The following PAX6 variants were observed in gnomAD, a reference collection of about 807,000 sequenced individuals.
The protein encoded by PAX6 is paired box protein Pax-6.
Under a neutral mutation model 60.7 loss-of-function variants are expected in PAX6, and 7 were observed. That is an observed-to-expected ratio of 0.12 (90% CI 0.07 to 0.22). PAX6 has a LOEUF of 0.22. Ranked by LOEUF, PAX6 falls within the 10% of genes least tolerant of loss-of-function variation. The probability of loss-of-function intolerance (pLI) is 1.00; values close to 1 mark genes in which losing one functional copy is unlikely to be tolerated. For synonymous variants in PAX6, 208 were observed against 201.2 expected (o/e 1.03, Z -0.29); for missense variants, 355 against 555.2 (o/e 0.64, Z 3.62).
At chr11:31,810,687 G>A (rs887083931) in intron 2 of PAX6, 141 bp downstream of exon 2, 2 of 397,248 alleles carry the variant, frequency 5.0e-6, no homozygotes, top group Non-Finnish European at 8.9e-6. Context: ...GCTCCTGCGT[G>A]GAAACTTCTC....
intron 2 of PAX6, chr11:31,807,636 C>T (rs1360041864): frequency 1.3e-5 from 2 of 152,206 alleles, no homozygotes; most frequent in Admixed American, 6.5e-5. Flanking sequence ...GTCTACCTCG[C>T]CTCACTGCTT....
intron 1 of PAX6, chr11:31,816,716 G>C: frequency 2.9e-6 from 2 of 692,194 alleles, no homozygotes; most frequent in African/African-American, 1.8e-5. Context: ...CCACCGCTCG[G>C]AGTCGGGCGG....
At chr11:31,800,398 C>T in intron 8 of PAX6, 1 of 536,852 alleles carries the variant, frequency 1.9e-6, no homozygotes, top group Middle Eastern at 2.8e-4. Context: ...GAATAGTGCA[C>T]CACGCAGCTC....
Position 31,794,724 on chromosome 11 carries a change from A to G in PAX6, c.630T>C (p.Asp210=), listed in dbSNP as rs3026383. The change falls in exon 9 of 14, where the codon GAT becomes GAC. Residue 210 remains aspartate, a synonymous_variant. Transcript: ENST00000640368. The part of the protein sequence containing the change: ...NTNSISSNGE[D]SDEAQMRLQL... ...GAAGTCGCATTTGAGCCTCATCTGAATCTTCTCCGTTGGAACTGATGGAGT... is the reference window on the plus strand; with the variant it reads ...GAAGTCGCATTTGAGCCTCATCTGAGTCTTCTCCGTTGGAACTGATGGAGT... 1 of 1,614,000 alleles carries G rather than the reference A, an allele frequency of 6.2e-7. No individual in the cohort carries two copies. Among genetic ancestry groups the G allele is most frequent in the Non-Finnish European group, 8.5e-7 (1 of 1,180,004 alleles).
chr11:31,801,198 T>C, intron 7 of PAX6: 1 of 1,221,990 alleles, frequency 8.2e-7, no homozygotes, highest in Non-Finnish European at 1.1e-6. Context: ...ATTATATTGT[T>C]TAATATTAGG....
At position 31,793,175 on chromosome 11, in the gene PAX6, T is replaced by C. The variant is rs1592404148; in HGVS notation, c.1074+263A>G. 27 of 637,288 alleles carry C rather than the reference T, an allele frequency of 4.2e-5. 1 individual carries two copies. The East Asian group carries it at 7.1e-4, about 17-fold the overall frequency. The allele number at this position is 637,288 out of a possible 1,614,324, so 39.5% of individuals were successfully genotyped here. ...CATGCCCCACCACCACCCAACATTA[T>C]CAAGGTAACAGTATAATAAAAGGCA... On this transcript the variant is annotated intron_variant, in intron 12 of 13. Coordinates refer to ENST00000640368, the MANE Select transcript of PAX6 (RefSeq NM_001368894.2).
At chr11:31,801,982 A>G in intron 5 of PAX6, 70 bp from the exon 6 acceptor site, 1 of 1,249,638 alleles carries the variant, frequency 8.0e-7, no homozygotes, top group Non-Finnish European at 1.2e-6. Context: ...TTAAAATTAC[A>G]TTTGTAGCCC....
At position 31,806,527 on chromosome 11, in the gene PAX6, C is replaced by A. The variant is rs539933991; in HGVS notation, c.-51-65G>T. On this transcript the variant is annotated intron_variant, in intron 3 of 13. Transcript: ENST00000640368. ...CATCAGGTAGGCCTGAACTCCCAAC[C>A]GAGGTGGACCTGGGGCTAGGACAGG... is the stretch of plus-strand genomic sequence containing the variant. The A allele has an allele frequency of 5.1e-5, 64 of 1,243,406 alleles. No homozygotes were observed. The South Asian group carries it at 7.6e-4, about 15-fold the overall frequency. The allele number at this position is 1,243,406 out of a possible 1,614,324, so 77.0% of individuals were successfully genotyped here. A position where few individuals can be genotyped will look rare whatever the true frequency, so the allele number is the denominator to read the frequency against.
In PAX6 at chr11:31,800,875, T is replaced by G. The variant is rs1410222146; in HGVS notation, c.400-19A>C. 1 of 1,612,908 alleles carries G rather than the reference T, an allele frequency of 6.2e-7. No homozygotes were observed. The highest frequency in any genetic ancestry group is 1.7e-5 in the Admixed American group (1 of 60,018). On this transcript the variant is annotated intron_variant, in intron 7 of 13. Transcript: ENST00000640368. Reference sequence around the variant, plus strand: ...ATGACACCTGCAAATCAAACCAAAATCAAACCAAATGGTAGTGTCTCCTGA... The same window carrying G: ...ATGACACCTGCAAATCAAACCAAAAGCAAACCAAATGGTAGTGTCTCCTGA...
intron 1 of PAX6, chr11:31,816,399 C>T (rs1957376894): frequency 1.6e-6 from 1 of 615,378 alleles, no homozygotes; most frequent in Non-Finnish European, 2.9e-6. Context: ...AGGTCCTCGG[C>T]TCGCCCTGGG....
intron 4 of PAX6, 30 bp downstream of exon 4, chr11:31,806,372 C>G (rs748987208): frequency 2.5e-6 from 4 of 1,603,290 alleles, no homozygotes; most frequent in Admixed American, 1.7e-5. Flanking sequence ...ACCCCGAGCC[C>G]GAAGTCCCAG....
chr11:31,809,154 G>A (rs1369186794), intron 2 of PAX6, among the ~76,000 whole-genome samples: 1 of 152,190 alleles, frequency 6.6e-6, no homozygotes, highest in Non-Finnish European at 1.5e-5. Flanking sequence ...AGCCAAAAGA[G>A]TAATTAGCAA....
At chr11:31,801,242 T>C in intron 7 of PAX6, 1 of 1,368,012 alleles carries the variant, frequency 7.3e-7, no homozygotes, top group South Asian at 1.5e-5. Context: ...GAAGGAAAGT[T>C]CTGGCAGGTG....
At chr11:31,795,151 T>C (rs998151876) in intron 8 of PAX6, among the ~76,000 whole-genome samples, 1 of 152,188 alleles carries the variant, frequency 6.6e-6, no homozygotes, top group East Asian at 1.9e-4. Context: ...GTTGGGAAAA[T>C]AGAAGAGTGA....
Sources: allele counts gnomAD v4.1 joint callset (sites outside exome capture counted in the v4.1 genomes callset), GRCh38; gene constraint gnomAD v4.1.1; transcripts MANE v1.5; gene names NCBI Gene and HGNC (gene_info 2026-07-23, HGNC 2026-07-21).